The following MGAT4A variants were observed in gnomAD, a reference collection of about 807,000 sequenced individuals.
The protein encoded by MGAT4A is alpha-1,3-mannosyl-glycoprotein 4-beta-N-acetylglucosaminyltransferase A, also known as N-acetylglucosaminyltransferase IVa.
In MGAT4A, 33 loss-of-function variants were observed where a neutral mutation model predicts 74.1. The ratio of observed to expected loss-of-function variants is 0.45; its 90% confidence interval spans 0.34 to 0.60. The LOEUF (loss-of-function observed/expected upper bound fraction) is 0.60. MGAT4A is among the 20% of genes least tolerant of loss of function. MGAT4A has a pLI of 0.02. For missense variants in MGAT4A, 479 were observed against 628.3 expected (o/e 0.76, Z 2.54); for synonymous variants, 198 against 210.4 (o/e 0.94, Z 0.51).
intron 1 of MGAT4A, among the ~76,000 whole-genome samples, chr2:98,728,128 TCTA>T (rs1343472248): frequency 1.3e-5 from 2 of 152,218 alleles, no homozygotes; most frequent in African/African-American, 4.8e-5. Context: ...CACACACTGA[TCTA>T]CTAAGGAGTA....
In MGAT4A at chr2:98,724,398, T is replaced by C. The variant is rs972583701; in HGVS notation, c.94+1841A>G. On this transcript the variant is annotated intron_variant, in intron 2 of 15. Coordinates refer to ENST00000393487, the MANE Select transcript of MGAT4A (RefSeq NM_012214.3). ...GAATCCAAATGCCCAACAGTTTGAG[T>C]GGCTACAGAAACGATAACATTTAAC... Among the ~76,000 whole-genome samples, 11 of 152,208 alleles carry C rather than the reference T, an allele frequency of 7.2e-5. No homozygotes were observed. In the East Asian group the frequency reaches 2.1e-3, roughly 29 times the overall value.
rs766691885 is a variant in MGAT4A at position 98,675,089 on chromosome 2, T to C, written c.349A>G (p.Lys117Glu). The change falls in exon 4 of 16, where the codon AAA becomes GAA. Residue 117 changes from lysine to glutamate, a missense_variant. By Grantham distance (56) the Lys-to-Glu change is moderately conservative. Coordinates refer to ENST00000393487, the MANE Select transcript of MGAT4A (RefSeq NM_012214.3). Reference sequence around the variant, plus strand: ...GCAGGTTGAAGACTTCCTTCATTTTTCAATAAATGAGGCAAATGATAATAA... The same window carrying C: ...GCAGGTTGAAGACTTCCTTCATTTTCCAATAAATGAGGCAAATGATAATAA... ...SIYYHLPHLL[K>E]NEGSLQPAVQ... is the part of the protein sequence containing the mutation. 31 of 1,611,958 alleles carry C rather than the reference T, an allele frequency of 1.9e-5. No individual in the cohort carries two copies. The East Asian group carries it at 6.2e-4, about 32-fold the overall frequency.
At chr2:98,719,793 G>A (rs903527833) in intron 2 of MGAT4A, among the ~76,000 whole-genome samples, 1 of 152,088 alleles carries the variant, frequency 6.6e-6, no homozygotes, top group Admixed American at 6.5e-5. Context: ...GATTACAGGT[G>A]CCCACCACCA....
intron 2 of MGAT4A, among the ~76,000 whole-genome samples, chr2:98,698,158 A>C (rs1702302398): frequency 6.6e-6 from 1 of 152,226 alleles, no homozygotes; most frequent in Non-Finnish European, 1.5e-5. Context: ...CCTATAAAAA[A>C]ATTCCAGCAC....
intron 2 of MGAT4A, among the ~76,000 whole-genome samples, chr2:98,709,528 TTTTAAG>T (rs1166235970): frequency 6.6e-6 from 1 of 152,088 alleles, no homozygotes; most frequent in Non-Finnish European, 1.5e-5. Flanking sequence ...AAGTTCAAGT[TTTTAAG>T]TTTAACTTAC....
At chr2:98,626,129 T>C (rs566368765) in intron 14 of MGAT4A, among the ~76,000 whole-genome samples, 1 of 152,338 alleles carries the variant, frequency 6.6e-6, no homozygotes, top group East Asian at 1.9e-4. Flanking sequence ...TGTTTTAAAC[T>C]ATAGGTTTTT....
intron 3 of MGAT4A, 57 bp downstream of exon 3, chr2:98,678,247 A>ATATATATAT (rs1259884597): frequency 5.2e-5 from 18 of 345,256 alleles, no homozygotes; most frequent in Admixed American, 2.3e-4. Flanking sequence ...AAAAAAAAAA[A>ATATATATAT]AAATATATAT....
At chr2:98,728,859 T>G (rs1354252222) in intron 1 of MGAT4A, among the ~76,000 whole-genome samples, 1 of 152,162 alleles carries the variant, frequency 6.6e-6, no homozygotes, top group Non-Finnish European at 1.5e-5. Flanking sequence ...TTATATAACT[T>G]GGAACATTAA....
rs760285473 is a variant in MGAT4A, at chr2:98,643,947, T to G, written c.996A>C (p.Lys332Asn). The G allele has an allele frequency of 6.4e-7, 1 of 1,570,738 alleles. No individual in the cohort carries two copies. Among genetic ancestry groups the G allele is most frequent in the Non-Finnish European group, 8.7e-7 (1 of 1,152,114 alleles). ...CTGCATCTTTTTCAGGGTTGCAGAC[T>G]TTCACCCAGAGAATATGGTCCAGGA... ...DWLLDHILWV[K>N]VCNPEKDAKH... Residue 332 changes from lysine (K) to asparagine (N), a missense_variant, in exon 10 of 16, where the codon AAA (lysine) becomes AAC (asparagine). Physicochemically the swap from Lys to Asn is moderately conservative, Grantham distance 94. This residue lies in a region of MGAT4A where 236 missense variants were observed against 308.2 expected (regional missense o/e 0.77). Coordinates refer to ENST00000393487, the MANE Select transcript of MGAT4A (RefSeq NM_012214.3).
At chr2:98,703,640 TCCC>T (rs1200057803) in intron 2 of MGAT4A, among the ~76,000 whole-genome samples, 1 of 152,070 alleles carries the variant, frequency 6.6e-6, no homozygotes, top group Non-Finnish European at 1.5e-5. Flanking sequence ...TCCAAAGATG[TCCC>T]TGTGGCCTCC....
intron 4 of MGAT4A, among the ~76,000 whole-genome samples, chr2:98,666,633 C>T (rs1000013081): frequency 7.3e-5 from 11 of 151,412 alleles, no homozygotes; most frequent in Admixed American, 3.3e-4. Flanking sequence ...GTAGAGGCTG[C>T]AGTGAGCTGT....
At chr2:98,654,071 C>T (rs1184887792) in intron 8 of MGAT4A, among the ~76,000 whole-genome samples, 4 of 151,998 alleles carry the variant, frequency 2.6e-5, no homozygotes, top group Non-Finnish European at 5.9e-5. Context: ...ACATGATCAT[C>T]TCAATTGGTA....
intron 14 of MGAT4A, among the ~76,000 whole-genome samples, chr2:98,629,869 C>A (rs1300164639): frequency 1.3e-5 from 2 of 152,088 alleles, no homozygotes; most frequent in Admixed American, 6.6e-5. Context: ...CATGGTGAAA[C>A]CCCGTCTCTA....
intron 7 of MGAT4A, chr2:98,655,867 A>G (rs970353980): frequency 3.7e-5 from 7 of 187,244 alleles, no homozygotes; most frequent in African/African-American, 1.6e-4. Flanking sequence ...TATTGGGAAA[A>G]AAATTCTTAA....
intron 2 of MGAT4A, among the ~76,000 whole-genome samples, chr2:98,720,492 G>A (rs1430041750): frequency 6.6e-6 from 1 of 152,228 alleles, no homozygotes; most frequent in African/African-American, 2.4e-5. Context: ...CCTTTGGACT[G>A]AGACTGAATT....
chr2:98,693,151 T>C (rs576973561), intron 2 of MGAT4A, among the ~76,000 whole-genome samples: 1 of 152,290 alleles, frequency 6.6e-6, no homozygotes, highest in East Asian at 1.9e-4. Flanking sequence ...AATGGCACAT[T>C]TTTTAAGCAC....
At chr2:98,640,060 A>C (rs971995543) in intron 11 of MGAT4A, 59 bp from the exon 12 acceptor site, 5 of 1,553,446 alleles carry the variant, frequency 3.2e-6, no homozygotes, top group African/African-American at 1.4e-5. Context: ...GAAGAAAAAC[A>C]ATAATTATAA....
intron 2 of MGAT4A, among the ~76,000 whole-genome samples, chr2:98,715,317 C>CA (rs201860893): frequency 0.023 from 1,463 of 62,598 alleles, 22 homozygotes; most frequent in East Asian, 0.047. Flanking sequence ...GACTTCATCT[C>CA]AAAAAAAAAA....
At position 98,625,141 on chromosome 2, in the gene MGAT4A, ATATT is replaced by A; in HGVS notation, c.*421_*424del. 1 of 770,196 alleles carries A rather than the reference ATATT, an allele frequency of 1.3e-6. No individual in the cohort carries two copies. The highest frequency in any genetic ancestry group is 1.6e-6 in the Non-Finnish European group (1 of 634,368). The allele number at this position is 770,196 out of a possible 1,614,324, so 47.7% of individuals were successfully genotyped here. On this transcript the variant is annotated 3_prime_UTR_variant, in exon 16 of 16. Transcript: ENST00000393487. ...AATTAATTCCATAACATTTTTATGT[ATATT>A]TATATATTTATATATATAATCCCTG...
Sources: gnomAD v4.1 joint callset for allele counts (sites outside exome capture counted in the v4.1 genomes callset) on GRCh38, gnomAD v4.1.1 for gene constraint, gnomAD v4.1.1 regional missense constraint, MANE v1.5 for transcripts, NCBI Gene and HGNC (gene_info 2026-07-23, HGNC 2026-07-21) for gene names.